The following SOX6 variants were observed in gnomAD, a reference collection of about 807,000 sequenced individuals.
The protein encoded by SOX6 is SRY-box transcription factor 6.
SOX6 carries 11 observed loss-of-function variants against 97.8 expected under a neutral mutation model. The ratio of observed to expected loss-of-function variants is 0.11; its 90% CI spans 0.07 to 0.19. The LOEUF is 0.19. Among genes scored for constraint, SOX6 ranks in the 10% least tolerant of loss-of-function variants. The probability of loss-of-function intolerance (pLI) is 1.00; values close to 1 mark genes in which losing one functional copy is unlikely to be tolerated. For synonymous variants in SOX6, 360 were observed against 371.4 expected (o/e 0.97, Z 0.35); for missense variants, 810 against 1,039.5 (o/e 0.78, Z 3.04).
At chr11:16,247,358 G>A (rs1853368387) in intron 3 of SOX6, among the ~76,000 whole-genome samples, 1 of 152,106 alleles carries the variant, frequency 6.6e-6, no homozygotes, top group Non-Finnish European at 1.5e-5. Flanking sequence ...ATTGTGAGTA[G>A]TGCTGCAATA....
At chr11:16,270,513 G>T (rs575151854) in intron 3 of SOX6, among the ~76,000 whole-genome samples, 4 of 151,218 alleles carry the variant, frequency 2.6e-5, no homozygotes, top group African/African-American at 9.7e-5. Context: ...ATACTCAAAA[G>T]AATGAAAATA....
chr11:16,250,977 T>A (rs1853492270), intron 3 of SOX6, among the ~76,000 whole-genome samples: 1 of 152,038 alleles, frequency 6.6e-6, no homozygotes, highest in African/African-American at 2.4e-5. Context: ...TTTATCACAA[T>A]GGAATCAAAA....
intron 4 of SOX6, among the ~76,000 whole-genome samples, chr11:16,196,827 CTT>C (rs1851790860): frequency 8.2e-6 from 1 of 122,230 alleles, no homozygotes; most frequent in African/African-American, 3.2e-5. Context: ...TCTTCTTCTT[CTT>C]CTTTTTTTTT....
At chr11:16,392,495 T>A (rs1003995126) in intron 1 of SOX6, among the ~76,000 whole-genome samples, 1 of 152,194 alleles carries the variant, frequency 6.6e-6, no homozygotes, top group Admixed American at 6.5e-5. Flanking sequence ...TGATCTATTA[T>A]CTTTTTAATG....
chr11:16,124,145 T>C (rs1270334184), intron 6 of SOX6, among the ~76,000 whole-genome samples: 1 of 152,126 alleles, frequency 6.6e-6, no homozygotes, highest in Non-Finnish European at 1.5e-5. Context: ...ACTGCACATA[T>C]TGTGTTGAAT....
intron 4 of SOX6, among the ~76,000 whole-genome samples, chr11:16,232,485 G>C (rs936440591): frequency 6.6e-6 from 1 of 151,862 alleles, no homozygotes; most frequent in Non-Finnish European, 1.5e-5. Flanking sequence ...AATTTGAAAA[G>C]GCTAATTTTT....
intron 3 of SOX6, among the ~76,000 whole-genome samples, chr11:16,306,438 G>A (rs974529954): frequency 2.0e-5 from 3 of 151,924 alleles, no homozygotes; most frequent in Non-Finnish European, 2.9e-5. Flanking sequence ...GGTATGATCC[G>A]GAAAATGGAT....
intron 6 of SOX6, among the ~76,000 whole-genome samples, chr11:16,154,474 G>A (rs1850545264): frequency 6.6e-6 from 1 of 151,954 alleles, no homozygotes; most frequent in Non-Finnish European, 1.5e-5. Context: ...GGAACCTACA[G>A]AAATCAGCTA....
rs1335704164 is a variant in SOX6 at position 16,111,414 on chromosome 11, C to A, written c.898+389G>T. Among the ~76,000 whole-genome samples, 3 of 152,086 alleles carry A rather than the reference C, an allele frequency of 2.0e-5. No individual in the cohort carries two copies. The East Asian group carries it at 5.8e-4, about 29-fold the overall frequency. On this transcript the variant is annotated intron_variant, in intron 7 of 15. Transcript: ENST00000683767. ...TATCTTTCTAAGAGAAGTCTGACAA[C>A]AAACAATGACATTTTATACTGAATG... is the stretch of plus-strand genomic sequence containing the variant.
intron 2 of SOX6, among the ~76,000 whole-genome samples, chr11:16,725,074 C>G (rs1172573495): frequency 6.6e-6 from 1 of 152,138 alleles, no homozygotes; most frequent in African/African-American, 2.4e-5. Flanking sequence ...ATGTTCATTG[C>G]AGCATTATTC....
intron 6 of SOX6, among the ~76,000 whole-genome samples, chr11:16,126,622 G>A (rs1424556055): frequency 3.9e-5 from 6 of 152,090 alleles, no homozygotes; most frequent in Non-Finnish European, 1.5e-5. Flanking sequence ...ATTTGTTTAT[G>A]TTGTACCAGC....
At chr11:16,167,773 G>A (rs1589991045) in intron 6 of SOX6, among the ~76,000 whole-genome samples, 2 of 152,098 alleles carry the variant, frequency 1.3e-5, no homozygotes, top group South Asian at 4.1e-4. Context: ...CCTTAAGTAC[G>A]TACCCACACA....
chr11:16,639,897 T>C (rs1388528300), intron 3 of SOX6, among the ~76,000 whole-genome samples: 3 of 152,134 alleles, frequency 2.0e-5, no homozygotes, highest in African/African-American at 4.8e-5. Flanking sequence ...TGAATACCCT[T>C]TATTTCCTTC....
intron 6 of SOX6, among the ~76,000 whole-genome samples, chr11:16,144,120 A>AGTTCTGTTC (rs1850225239): frequency 6.6e-6 from 1 of 152,192 alleles, no homozygotes; most frequent in African/African-American, 2.4e-5. Flanking sequence ...TCCGCAGCAA[A>AGTTCTGTTC]TGTAAAAGAA....
At chr11:16,240,556 T>C (rs75173225) in intron 3 of SOX6, among the ~76,000 whole-genome samples, 1,911 of 152,166 alleles carry the variant, frequency 0.013, 42 homozygotes, top group African/African-American at 0.043. Flanking sequence ...CACATTGTTC[T>C]ATAGGTGCAG....
chr11:16,308,907 C>T (rs898440261), intron 3 of SOX6, among the ~76,000 whole-genome samples: 1 of 152,148 alleles, frequency 6.6e-6, no homozygotes, highest in African/African-American at 2.4e-5. Context: ...AGGAAAATTG[C>T]AGTGAAGGGT....
intron 4 of SOX6, among the ~76,000 whole-genome samples, chr11:16,508,134 C>T (rs1236817820): frequency 6.6e-6 from 1 of 152,010 alleles, no homozygotes; most frequent in Admixed American, 6.6e-5. Context: ...AGCCAACAGA[C>T]ATGAAAAAAT....
intron 4 of SOX6, among the ~76,000 whole-genome samples, chr11:16,204,915 T>G (rs1852032922): frequency 6.6e-6 from 1 of 152,056 alleles, no homozygotes. Context: ...GTCCTAATTC[T>G]CAGTTCAGAA....
chr11:16,415,661 A>G (rs532776905), intron 1 of SOX6, among the ~76,000 whole-genome samples: 15 of 152,262 alleles, frequency 9.9e-5, no homozygotes, highest in African/African-American at 1.7e-4. Context: ...TTGAAATATC[A>G]CTCTGTACCC....
Sources: allele counts gnomAD v4.1 joint callset (sites outside exome capture counted in the v4.1 genomes callset), GRCh38; gene constraint gnomAD v4.1.1; transcripts MANE v1.5; gene names NCBI Gene and HGNC (gene_info 2026-07-23, HGNC 2026-07-21).